The following SEMA3E variants were observed in gnomAD, a reference collection of about 807,000 sequenced individuals.
SEMA3E encodes the protein semaphorin-3E.
SEMA3E carries 49 observed loss-of-function variants against 93.6 expected under a neutral mutation model. The observed-to-expected ratio is 0.52, with a 90% confidence interval of 0.42 to 0.66. The LOEUF is 0.66. Among genes scored for constraint, SEMA3E ranks in the 30% least tolerant of loss-of-function variants. The probability of loss-of-function intolerance (pLI) is 0.00; values close to 1 mark genes in which losing one functional copy is unlikely to be tolerated. For missense variants in SEMA3E, 906 were observed against 964.8 expected (o/e 0.94, Z 0.81); for synonymous variants, 363 against 330.7 (o/e 1.10, Z -1.06).
chr7:83,572,196 A>C, intron 1 of SEMA3E, among the ~76,000 whole-genome samples: 1 of 131,568 alleles, frequency 7.6e-6, no homozygotes, highest in African/African-American at 2.9e-5. Flanking sequence ...ATACCAACAT[A>C]ATTTTTTTTT....
At chr7:83,505,000 T>G (rs2115618419) in intron 1 of SEMA3E, among the ~76,000 whole-genome samples, 1 of 152,316 alleles carries the variant, frequency 6.6e-6, no homozygotes, top group African/African-American at 2.4e-5. Flanking sequence ...TTATTCATTT[T>G]GCTTATTACA....
intron 1 of SEMA3E, among the ~76,000 whole-genome samples, chr7:83,570,547 C>T (rs567903606): frequency 0.034 from 1,023 of 30,356 alleles, 30 homozygotes; most frequent in African/African-American, 0.29. Flanking sequence ...AGCGAGACTC[C>T]GTCTCAAAAA....
In SEMA3E at chr7:83,507,424, C is replaced by CTGTGTGTGTGTG. The variant is rs4016317; in HGVS notation, c.116-17162_116-17151dup. The stretch of plus-strand genomic sequence containing the variant: ...GGATTTATCACTTCAAAACAGAACT[C>CTGTGTGTGTGTG]TGTGTGTGTGTGTGTGTGTGTGTGT... On this transcript the variant is annotated intron_variant, in intron 1 of 16. Coordinates refer to ENST00000643230, the MANE Select transcript of SEMA3E (RefSeq NM_012431.3). 3.6e-3 allele frequency among the ~76,000 whole-genome samples: 449 copies of CTGTGTGTGTGTG among 125,974 alleles called. 3 individuals are homozygous for CTGTGTGTGTGTG. The highest frequency in any genetic ancestry group is 8.1e-3 in the East Asian group (33 of 4,066). The allele number at this position is 125,974 out of a possible 152,430, so 82.6% of individuals were successfully genotyped here. A position where few individuals can be genotyped will look rare whatever the true frequency, so the allele number is the denominator to read the frequency against.
At chr7:83,618,996 T>C (rs2115620310) in intron 1 of SEMA3E, among the ~76,000 whole-genome samples, 2 of 151,992 alleles carry the variant, frequency 1.3e-5, no homozygotes, top group Middle Eastern at 3.4e-3. Flanking sequence ...GGCTCAAAAA[T>C]GGTCCAAAAC....
chr7:83,448,317 T>C (rs955651599), intron 4 of SEMA3E, among the ~76,000 whole-genome samples: 1 of 152,176 alleles, frequency 6.6e-6, no homozygotes, highest in Non-Finnish European at 1.5e-5. Context: ...TCACCTAATA[T>C]TATCCAAATA....
At chr7:83,374,150 A>T (rs1482757039) in intron 16 of SEMA3E, among the ~76,000 whole-genome samples, 1 of 150,052 alleles carries the variant, frequency 6.7e-6, no homozygotes, top group Non-Finnish European at 1.5e-5. Context: ...AGGTTGCGAT[A>T]AGCCGAGATC....
At chr7:83,604,592 T>TAC (rs970076286) in intron 1 of SEMA3E, among the ~76,000 whole-genome samples, 6 of 151,164 alleles carry the variant, frequency 4.0e-5, no homozygotes, top group African/African-American at 1.2e-4. Context: ...TATATATATA[T>TAC]ACACACACAC....
chr7:83,452,328 GA>G (rs370816792), intron 4 of SEMA3E, among the ~76,000 whole-genome samples: 39 of 151,626 alleles, frequency 2.6e-4, no homozygotes, highest in East Asian at 7.8e-4. Context: ...TCAAGTGGGG[GA>G]AAAAAAAGCC....
At chr7:83,631,596 G>T (rs1377294634) in intron 1 of SEMA3E, among the ~76,000 whole-genome samples, 1 of 152,208 alleles carries the variant, frequency 6.6e-6, no homozygotes, top group Non-Finnish European at 1.5e-5. Flanking sequence ...GAACCATATA[G>T]TCTTTGAATA....
At chr7:83,640,634 G>T (rs1225636427) in intron 1 of SEMA3E, among the ~76,000 whole-genome samples, 2 of 152,108 alleles carry the variant, frequency 1.3e-5, no homozygotes. Context: ...AAATTCAAAG[G>T]TTATGTTTTA....
chr7:83,610,223 T>C (rs215238), intron 1 of SEMA3E, among the ~76,000 whole-genome samples: 3,394 of 152,066 alleles, frequency 0.022, 126 homozygotes, highest in African/African-American at 0.077. Flanking sequence ...TCTTTCTAGT[T>C]TTCTAATTTT....
At chr7:83,579,430 C>A (rs568452301) in intron 1 of SEMA3E, among the ~76,000 whole-genome samples, 13 of 152,082 alleles carry the variant, frequency 8.5e-5, no homozygotes, top group Non-Finnish European at 1.8e-4. Flanking sequence ...TTAAAGGAAT[C>A]ATTGTCTATC....
chr7:83,520,237 A>T (rs1335498851), intron 1 of SEMA3E, among the ~76,000 whole-genome samples: 1 of 152,114 alleles, frequency 6.6e-6, no homozygotes, highest in African/African-American at 2.4e-5. Flanking sequence ...TATGCCTAAG[A>T]GAGTACAGTT....
At chr7:83,430,105 A>G (rs531727531) in intron 4 of SEMA3E, among the ~76,000 whole-genome samples, 1 of 152,340 alleles carries the variant, frequency 6.6e-6, no homozygotes, top group African/African-American at 2.4e-5. Flanking sequence ...AGTATGATGC[A>G]TGCTAGTCTT....
intron 12 of SEMA3E, 89 bp downstream of exon 12, chr7:83,396,549 A>G (rs1031379441): frequency 2.8e-5 from 20 of 705,816 alleles, no homozygotes; most frequent in African/African-American, 7.1e-5. Context: ...CCTGTTAGGG[A>G]AAAAAAAATG....
rs55984534 is a variant in SEMA3E, at chr7:83,539,845, T to TTTG, written c.116-49574_116-49572dup. On this transcript the variant is annotated intron_variant, in intron 1 of 16. Coordinates refer to ENST00000643230, the MANE Select transcript of SEMA3E (RefSeq NM_012431.3). Reference sequence around the variant, plus strand: ...TTTTAAGTTAACTTTTTTGTTTTGTTTTGTTGTTTCTGTGTGTGTGTGTGT... The same window carrying TTTG: ...TTTTAAGTTAACTTTTTTGTTTTGTTTTGTTGTTGTTTCTGTGTGTGTGTGTGT... 8.0e-3 allele frequency among the ~76,000 whole-genome samples: 822 copies of TTTG among 102,294 alleles called. 2 individuals are homozygous for TTTG. Among genetic ancestry groups the TTTG allele is most frequent in the Non-Finnish European group, 0.013 (557 of 42,694 alleles). 67.1% of individuals were successfully genotyped at this position (102,294 alleles called of 152,430 possible). A position where few individuals can be genotyped will look rare whatever the true frequency, so the allele number is the denominator to read the frequency against.
chr7:83,382,471 T>A (rs1668605801), intron 16 of SEMA3E, among the ~76,000 whole-genome samples: 1 of 151,912 alleles, frequency 6.6e-6, no homozygotes, highest in African/African-American at 2.4e-5. Flanking sequence ...AAGAAAATTA[T>A]GTCTAACATG....
chr7:83,414,149 T>A (rs1788497142), intron 5 of SEMA3E, among the ~76,000 whole-genome samples: 1 of 152,156 alleles, frequency 6.6e-6, no homozygotes, highest in African/African-American at 2.4e-5. Flanking sequence ...AGTCTATGTT[T>A]CTATATAGTT....
intron 1 of SEMA3E, among the ~76,000 whole-genome samples, chr7:83,566,893 A>C (rs949958900): frequency 6.6e-6 from 1 of 152,214 alleles, no homozygotes; most frequent in African/African-American, 2.4e-5. Context: ...ACCAAAAATC[A>C]ATTCATAAAA....
Sources: gnomAD v4.1 joint callset for allele counts (sites outside exome capture counted in the v4.1 genomes callset) on GRCh38, gnomAD v4.1.1 for gene constraint, MANE v1.5 for transcripts, NCBI Gene and HGNC (gene_info 2026-07-23, HGNC 2026-07-21) for gene names.